Variants in LRIF1 observed in about 807,000 individuals in gnomAD.
LRIF1 encodes ligand dependent nuclear receptor interacting factor 1, also known as ligand-dependent nuclear receptor-interacting factor 1.
LRIF1 carries 32 observed loss-of-function variants against 52.7 expected under a neutral mutation model. The observed-to-expected ratio is 0.61, with a 90% confidence interval of 0.46 to 0.82. LRIF1 has a LOEUF of 0.82. Ranked by LOEUF, LRIF1 falls within the 40% of genes least tolerant of loss-of-function variation. LRIF1 has a pLI of 0.00. For missense variants in LRIF1, 887 were observed against 892.0 expected (o/e 0.99, Z 0.07); for synonymous variants, 323 against 317.4 (o/e 1.02, Z -0.19).
At chr1:110,904,111 C>T in the LRIF1 span, among the ~76,000 whole-genome samples, 2 of 152,152 alleles carry the variant, frequency 1.3e-5, no homozygotes, top group African/African-American at 2.4e-5. Context: ...AGCCACAGTA[C>T]AATAGAATAT....
At chr1:110,895,399 G>A in the LRIF1 span, among the ~76,000 whole-genome samples, 2 of 152,180 alleles carry the variant, frequency 1.3e-5, no homozygotes, top group Non-Finnish European at 2.9e-5. Context: ...TTGCCATTGA[G>A]TTCCCGAGTT....
chr1:110,886,869 A>AT, the LRIF1 span, among the ~76,000 whole-genome samples: 74 of 82,764 alleles, frequency 8.9e-4, no homozygotes, highest in East Asian at 4.3e-3. Context: ...ATATATATAT[A>AT]TTTTTTTTTT....
the LRIF1 span, chr1:110,941,578 G>C: frequency 6.6e-6 from 1 of 152,034 alleles, no homozygotes; most frequent in Non-Finnish European, 1.5e-5. Flanking sequence ...TTATTGCCCA[G>C]AAAAGATACT....
the LRIF1 span, among the ~76,000 whole-genome samples, chr1:110,935,000 C>G: frequency 6.6e-6 from 1 of 152,082 alleles, no homozygotes; most frequent in Non-Finnish European, 1.5e-5. Flanking sequence ...GAGAAACACT[C>G]TGCTTCTTTG....
chr1:110,944,179 AT>A (rs1052481084), downstream of LRIF1: 26 of 152,362 alleles, frequency 1.7e-4, no homozygotes, highest in African/African-American at 5.8e-4. Flanking sequence ...TATTTGGAGT[AT>A]TTTGAAAGCA....
the LRIF1 span, among the ~76,000 whole-genome samples, chr1:110,876,844 A>G: frequency 6.6e-6 from 1 of 152,194 alleles, no homozygotes; most frequent in Non-Finnish European, 1.5e-5. Context: ...AATCCTTTTC[A>G]CCCAGATTTC....
the LRIF1 span, among the ~76,000 whole-genome samples, chr1:110,887,227 C>A: frequency 1.3e-5 from 2 of 151,978 alleles, no homozygotes; most frequent in African/African-American, 2.4e-5. Context: ...CCACGCCTGG[C>A]TAATTTTTTC....
chr1:110,961,699 T>C (rs1475618960), intron 1 of LRIF1, among the ~76,000 whole-genome samples: 1 of 152,082 alleles, frequency 6.6e-6, no homozygotes, highest in Non-Finnish European at 1.5e-5. Flanking sequence ...TAAAAATAAA[T>C]GATTTAGTAC....
At chr1:110,902,591 G>A in the LRIF1 span, among the ~76,000 whole-genome samples, 1 of 150,760 alleles carries the variant, frequency 6.6e-6, no homozygotes, top group Non-Finnish European at 1.5e-5. Flanking sequence ...ATTAAAAACA[G>A]TGATCTCGGA....
Position 110,950,085 on chromosome 1 carries a change from G to A in LRIF1, c.1635C>T (p.Ala545=). The A allele has an allele frequency of 6.2e-7, 1 of 1,613,436 alleles. No individual in the cohort carries two copies. The highest frequency in any genetic ancestry group is 8.5e-7 in the Non-Finnish European group (1 of 1,179,822). ...AATCTTTCTTGTCATTTCTTCCTTG[G>A]GCACCTTTATCTGATGTTGATGCCA... ...NEMASTSDKG[A]QGRNDKKDSQ... is the part of the protein sequence containing the mutation. The change falls in exon 3 of 4, where the codon GCC becomes GCT. Residue 545 remains alanine (A), a synonymous_variant. Transcript: ENST00000369763.
At chr1:110,947,078 T>C (rs1346044717), downstream of LRIF1, 1 of 152,446 alleles carries the variant, frequency 6.6e-6, no homozygotes, top group Non-Finnish European at 1.5e-5. Context: ...GACTCCTGAG[T>C]AGCTGGGACT....
At chr1:110,894,904 T>G in the LRIF1 span, 1 of 1,343,176 alleles carries the variant, frequency 7.4e-7, no homozygotes. Context: ...AATTCCTTAT[T>G]CCTTGAACTC....
the LRIF1 span, among the ~76,000 whole-genome samples, chr1:110,903,391 G>A: frequency 6.6e-6 from 1 of 152,158 alleles, no homozygotes; most frequent in Non-Finnish European, 1.5e-5. Flanking sequence ...GGAGAGGGGA[G>A]GGAAGAGAGA....
chr1:110,890,294 C>T, the LRIF1 span, among the ~76,000 whole-genome samples: 3 of 152,094 alleles, frequency 2.0e-5, no homozygotes, highest in South Asian at 4.1e-4. Flanking sequence ...TGGCCAGGTG[C>T]GGTAGCTCAT....
chr1:110,882,183 C>G, the LRIF1 span, among the ~76,000 whole-genome samples: 2,857 of 152,180 alleles, frequency 0.019, 45 homozygotes, highest in Middle Eastern at 0.031. Context: ...TTTGCATAAC[C>G]AAGGTTGCAA....
In LRIF1 at chr1:110,956,938, C is replaced by T. The variant is rs1417349121; in HGVS notation, c.69-4123G>A. 3.3e-5 allele frequency among the ~76,000 whole-genome samples: 5 copies of T among 152,210 alleles called. No homozygotes were observed. The East Asian group carries it at 9.6e-4, about 29-fold the overall frequency. On this transcript the variant is annotated intron_variant, in intron 1 of 3. Coordinates refer to ENST00000369763, the MANE Select transcript of LRIF1 (RefSeq NM_018372.4). ...TCAAAGATTACCAAATATGTTCTCA[C>T]AGTTAAATTTGTCTTTATCTTCATT... is the stretch of plus-strand genomic sequence containing the variant.
At position 110,951,833 on chromosome 1, in the gene LRIF1, G is replaced by C. The variant is rs1415350594; in HGVS notation, c.1051C>G (p.Pro351Ala). The C allele has an allele frequency of 6.2e-7, 1 of 1,612,620 alleles. No homozygotes were observed. The highest frequency in any genetic ancestry group is 8.5e-7 in the Non-Finnish European group (1 of 1,180,016). ...DPSGTRSKNMPIKDNALVMFN... is the reference protein window; with the variant it reads ...DPSGTRSKNMAIKDNALVMFN... ...ATAACCAAAGCATTATCTTTAATAG[G>C]CATATTTTTGGATCGCGTCCCACTA... The change falls in exon 2 of 4, where the codon CCT becomes GCT. Residue 351 changes from proline (P) to alanine (A), a missense_variant. Coordinates refer to ENST00000369763, the MANE Select transcript of LRIF1 (RefSeq NM_018372.4).
At chr1:110,892,277 G>C in the LRIF1 span, 1 of 1,056,258 alleles carries the variant, frequency 9.5e-7, no homozygotes, top group Admixed American at 1.7e-5. Context: ...TCTCAAGGAA[G>C]TGAGAATATG....
At chr1:110,956,307 G>C (rs1464364585) in intron 1 of LRIF1, among the ~76,000 whole-genome samples, 2 of 152,174 alleles carry the variant, frequency 1.3e-5, no homozygotes, top group Non-Finnish European at 2.9e-5. Context: ...CACAGATAAA[G>C]AGAAAGCATA....
Sources: allele counts gnomAD v4.1 joint callset (sites outside exome capture counted in the v4.1 genomes callset), GRCh38; gene constraint gnomAD v4.1.1; transcripts MANE v1.5; gene names NCBI Gene and HGNC (gene_info 2026-07-23, HGNC 2026-07-21).